The following PCDHA1 variants were observed in gnomAD, a reference collection of about 807,000 sequenced individuals.
PCDHA1 encodes the protein protocadherin alpha-1.
PCDHA1 carries 42 observed loss-of-function variants against 61.3 expected under a neutral mutation model. The ratio of observed to expected loss-of-function variants is 0.69; its 90% CI spans 0.54 to 0.89. The LOEUF (loss-of-function observed/expected upper bound fraction) is 0.89. PCDHA1 is among the 40% of genes least tolerant of loss of function. The pLI is 0.00. For missense variants in PCDHA1, 1,256 were observed against 1,235.3 expected, an observed-to-expected ratio of 1.02 and a Z score of -0.25; for synonymous variants, 610 against 553.8, an observed-to-expected ratio of 1.10 and a Z score of -1.43.
intron 1 of PCDHA1, chr5:140,883,989 G>A (rs1554180956): frequency 6.2e-7 from 1 of 1,612,952 alleles, no homozygotes; most frequent in Non-Finnish European, 8.5e-7. Flanking sequence ...GGCAGCGCGG[G>A]AGGCACAGTG....
At chr5:140,805,481 G>A (rs781826032) in intron 1 of PCDHA1, 41 of 996,848 alleles carry the variant, frequency 4.1e-5, no homozygotes, top group Middle Eastern at 5.0e-4. Context: ...AATAGAGAGG[G>A]AGCGTAAAGC....
intron 1 of PCDHA1, chr5:140,834,444 C>G: frequency 6.2e-7 from 1 of 1,614,020 alleles, no homozygotes; most frequent in Non-Finnish European, 8.5e-7. Flanking sequence ...TATTATAATT[C>G]TAGCAGCTTG....
intron 1 of PCDHA1, chr5:140,807,469 G>C (rs546275072): frequency 3.1e-6 from 5 of 1,612,860 alleles, no homozygotes. Context: ...ACCGGGAGGA[G>C]CTGTGCCGGC....
rs782463216 is a variant in PCDHA1, at chr5:140,786,714, A to G, written c.424A>G (p.Ile142Val). 9 of 1,614,202 alleles carry G rather than the reference A, an allele frequency of 5.6e-6. No homozygotes were observed. The highest frequency in any genetic ancestry group is 7.6e-6 in the Non-Finnish European group (9 of 1,180,032). Residue 142 changes from isoleucine to valine, a missense_variant, in exon 1 of 4, where the codon ATT becomes GTT. Transcript: ENST00000504120. ...CAGGGGCAGAGAACAAATAATATTT[A>G]TTCCTGAATCTAGACTCCTGAATTC... The part of the protein sequence containing the change: ...VFRGREQIIF[I>V]PESRLLNSRF...
At chr5:140,801,797 A>T in intron 1 of PCDHA1, 2 of 1,614,074 alleles carry the variant, frequency 1.2e-6, no homozygotes, top group Non-Finnish European at 1.7e-6. Context: ...AAAAAAATTT[A>T]AATCGAGAGG....
chr5:140,828,562 G>C (rs1769827145), intron 1 of PCDHA1: 1 of 1,614,114 alleles, frequency 6.2e-7, no homozygotes, highest in Admixed American at 1.7e-5. Flanking sequence ...TGGAGGGCGC[G>C]TCCGATGCAG....
rs1021823272 is a variant in PCDHA1, at chr5:140,866,632, C to T, written c.2394+77948C>T. ...GGAGAACCTCCTGGGGTTCTGACAA[C>T]GGTGTCAAAATTTATTTATGTGTTT... On this transcript the variant is annotated intron_variant, in intron 1 of 3. Coordinates refer to ENST00000504120, the MANE Select transcript of PCDHA1 (RefSeq NM_018900.4). 22 of 152,178 alleles carry T rather than the reference C, an allele frequency of 1.4e-4. No homozygotes were observed. In the South Asian group the frequency reaches 2.9e-3, roughly 20 times the overall value. The allele number at this position is 152,178 out of a possible 1,614,324, so 9.4% of individuals were successfully genotyped here.
At chr5:140,863,049 G>A (rs781969311) in intron 1 of PCDHA1, 1 of 561,608 alleles carries the variant, frequency 1.8e-6, no homozygotes, top group Non-Finnish European at 3.5e-6. Flanking sequence ...TCAGCTGGCA[G>A]CACCCGTTCC....
chr5:140,828,487 G>T (rs1554131330), intron 1 of PCDHA1: 4 of 1,614,106 alleles, frequency 2.5e-6, no homozygotes, highest in Non-Finnish European at 3.4e-6. Context: ...ACCCGCCCTT[G>T]TTCCCGGTAG....
chr5:140,819,776 A>G (rs1273499096), intron 1 of PCDHA1, among the ~76,000 whole-genome samples: 1 of 152,090 alleles, frequency 6.6e-6, no homozygotes, highest in Non-Finnish European at 1.5e-5. Context: ...AAATATCTAT[A>G]TAAGTACATG....
chr5:140,927,299 T>C, intron 1 of PCDHA1: 4 of 1,614,086 alleles, frequency 2.5e-6, no homozygotes, highest in Middle Eastern at 1.6e-4. Context: ...ATCCCCGAGT[T>C]CCTGACGCCC....
In PCDHA1 at chr5:140,803,652, A is replaced by G. The variant is rs17844265; in HGVS notation, c.2394+14968A>G. 2.6e-3 allele frequency: 4,144 copies of G among 1,610,988 alleles called. 100 individuals are homozygous for G. The Admixed American group carries it at 0.045, about 18-fold the overall frequency. On this transcript the variant is annotated intron_variant, in intron 1 of 3. Coordinates refer to ENST00000504120, the MANE Select transcript of PCDHA1 (RefSeq NM_018900.4). Reference sequence around the variant, plus strand: ...TTGTTTTTCATTCCTCAATGTTTCCACTCCTCTGGAAATACATTAATAGTT... The same window carrying G: ...TTGTTTTTCATTCCTCAATGTTTCCGCTCCTCTGGAAATACATTAATAGTT...
chr5:140,927,838 G>C, intron 1 of PCDHA1: 1 of 1,614,210 alleles, frequency 6.2e-7, no homozygotes, highest in Non-Finnish European at 8.5e-7. Context: ...GAGGGACGAA[G>C]GTGTCTTTGG....
At chr5:140,788,734 T>C in intron 1 of PCDHA1, 50 bp downstream of exon 1, 1 of 1,491,404 alleles carries the variant, frequency 6.7e-7, no homozygotes. Context: ...ATATTTAACT[T>C]GTCTAATCAT....
Position 140,843,051 on chromosome 5 carries a change from C to G in PCDHA1, c.2394+54367C>G, listed in dbSNP as rs2150351121. ...CGGGTGGGTGGCACTGGTGGCGCAG[C>G]GAGCAAGCTGGTGCCGCGGTCTGTG... On this transcript the variant is annotated intron_variant, in intron 1 of 3. Transcript: ENST00000504120. 14 of 1,594,994 alleles carry G rather than the reference C, an allele frequency of 8.8e-6. 2 individuals carry two copies. The highest frequency in any genetic ancestry group is 2.2e-5 in the South Asian group (2 of 90,478).
chr5:140,836,642 G>T, intron 1 of PCDHA1: 1 of 1,613,486 alleles, frequency 6.2e-7, no homozygotes, highest in Non-Finnish European at 8.5e-7. Context: ...TCTCCCAGCA[G>T]AGGCGGCAGA....
intron 1 of PCDHA1, among the ~76,000 whole-genome samples, chr5:140,959,469 A>G (rs1180811354): frequency 5.3e-5 from 8 of 152,226 alleles, no homozygotes; most frequent in East Asian, 1.9e-4. Context: ...GTTGGCATCA[A>G]TCAAGGCATA....
At chr5:140,869,117 A>G in intron 1 of PCDHA1, 2 of 1,605,428 alleles carry the variant, frequency 1.2e-6, no homozygotes, top group Non-Finnish European at 1.7e-6. Context: ...TTTGGTTTTC[A>G]GAGAAGGGGA....
At chr5:140,956,994 A>T (rs2095325479) in intron 1 of PCDHA1, among the ~76,000 whole-genome samples, 1 of 152,168 alleles carries the variant, frequency 6.6e-6, no homozygotes, top group Non-Finnish European at 1.5e-5. Flanking sequence ...AATTCAAGGA[A>T]GTGGTCTGAA....
Sources: allele counts gnomAD v4.1 joint callset (sites outside exome capture counted in the v4.1 genomes callset), GRCh38; gene constraint gnomAD v4.1.1; transcripts MANE v1.5; gene names NCBI Gene and HGNC (gene_info 2026-07-23, HGNC 2026-07-21).